Variants in CYB561A3 observed in about 807,000 individuals in gnomAD.
The protein encoded by CYB561A3 is cytochrome b561 family member A3.
Under a neutral mutation model 25.3 loss-of-function variants are expected in CYB561A3, and 16 were observed. The ratio of observed to expected loss-of-function variants is 0.63; its 90% CI spans 0.43 to 0.96. The LOEUF is 0.96. Among genes scored for constraint, CYB561A3 ranks in the 40% least tolerant of loss-of-function variants. The pLI is 0.00. For synonymous variants in CYB561A3, 131 were observed against 129.9 expected (o/e 1.01, Z -0.06); for missense variants, 219 against 307.5 (o/e 0.71, Z 2.15).
At chr11:61,354,036 C>T (rs780272641) in intron 3 of CYB561A3, 44 bp from the exon 4 acceptor site, 3 of 1,603,758 alleles carry the variant, frequency 1.9e-6, no homozygotes, top group Non-Finnish European at 2.6e-6. Context: ...TCCCCTCGAG[C>T]TCACCCAGAC....
chr11:61,353,929 T>C lies in CYB561A3; in HGVS notation c.248A>G (p.His83Arg). ...GAAGGCCATCAGGTGCAGCGCTGCA[T>C]GGAGGAGTTTCCAGGGCAGTTTGGG... ...VGPKLPWKLL[H>R]AALHLMAFVL... is the part of the protein sequence containing the mutation. The change falls in exon 4 of 7, where the codon CAT (histidine) becomes CGT (arginine). Residue 83 changes from histidine (H) to arginine (R), a missense_variant. Transcript: ENST00000294072. 3.1e-6 allele frequency: 5 copies of C among 1,614,118 alleles called. No individual in the cohort carries two copies. Among genetic ancestry groups the C allele is most frequent in the Non-Finnish European group, 4.2e-6 (5 of 1,180,026 alleles).
rs202143954 is a variant in CYB561A3, at chr11:61,353,049, C to T, written c.484G>A (p.Ala162Thr). 46 of 1,613,904 alleles carry T rather than the reference C, an allele frequency of 2.9e-5. 1 individual carries two copies. The highest frequency in any genetic ancestry group is 4.0e-5 in the African/African-American group (3 of 74,866). The change falls in exon 5 of 7, where the codon GCC (alanine) becomes ACC (threonine). Residue 162 changes from alanine to threonine, a missense_variant. By Grantham distance (58) the Ala-to-Thr change is moderately conservative (BLOSUM62 0). Transcript: ENST00000294072. The stretch of plus-strand genomic sequence containing the variant: ...GATGCGATGGACAGAGAGAGGATGG[C>T]GGCTCCAAAAAAGACGTGGATAGGT... ...LKPIHVFFGA[A>T]ILSLSIASVI...
chr11:61,355,372 G>A (rs1309534455), intron 3 of CYB561A3, among the ~76,000 whole-genome samples: 1 of 152,058 alleles, frequency 6.6e-6, no homozygotes, highest in African/African-American at 2.4e-5. Flanking sequence ...GAAAGCATGG[G>A]ACAAAGATTA....
At position 61,356,791 on chromosome 11, in the gene CYB561A3, G is replaced by A. The variant is rs1857670376; in HGVS notation, c.-15-63C>T. On this transcript the variant is annotated intron_variant, in intron 2 of 6. Coordinates refer to ENST00000294072, the MANE Select transcript of CYB561A3 (RefSeq NM_153611.6). Reference sequence around the variant, plus strand: ...GATGCACCCAGTTCTCTGGCTAAAGGAGGTAACACTGATTTAGCTCTTGGC... The same window carrying A: ...GATGCACCCAGTTCTCTGGCTAAAGAAGGTAACACTGATTTAGCTCTTGGC... The A allele has an allele frequency of 3.8e-6, 6 of 1,571,908 alleles. No homozygotes were observed. The African/African-American group carries it at 8.1e-5, about 21-fold the overall frequency.
At position 61,349,693 on chromosome 11, in the gene CYB561A3, CA is replaced by C. The variant is rs994455889; in HGVS notation, c.*705del. On this transcript the variant is annotated 3_prime_UTR_variant, in exon 7 of 7. Transcript: ENST00000294072. Reference sequence around the variant, plus strand: ...CACAATACATGCAGACACAGAGCAGCAATACGAAACAGAACAGCTCAGAGCG... The same window carrying C: ...CACAATACATGCAGACACAGAGCAGCATACGAAACAGAACAGCTCAGAGCG... 2.6e-5 allele frequency: 18 copies of C among 701,462 alleles called. No homozygotes were observed. The highest frequency in any genetic ancestry group is 5.2e-5 in the African/African-American group (3 of 57,230). 43.5% of individuals were successfully genotyped at this position (701,462 alleles called of 1,614,324 possible).
rs1379782654 is a variant in CYB561A3, at chr11:61,350,021, C to T, written c.*378G>A. The T allele has an allele frequency of 1.9e-5, 9 of 478,698 alleles. No homozygotes were observed. Among genetic ancestry groups the T allele is most frequent in the Non-Finnish European group, 3.1e-5 (8 of 261,910 alleles). The allele number at this position is 478,698 out of a possible 1,614,324, so 29.7% of individuals were successfully genotyped here. A position where few individuals can be genotyped will look rare whatever the true frequency, so the allele number is the denominator to read the frequency against. On this transcript the variant is annotated 3_prime_UTR_variant, in exon 7 of 7. Transcript: ENST00000294072. ...ACAGGAGCAGCAAGAGCGGCCAGAG[C>T]GAGGAGGACCTCGTGTGAATGGAGG...
At chr11:61,358,681 A>G (rs1373695077) in intron 1 of CYB561A3, 1 of 152,346 alleles carries the variant, frequency 6.6e-6, no homozygotes, top group East Asian at 1.9e-4. Context: ...GTGAGCTGCG[A>G]TCACGCCACT....
At chr11:61,350,576 C>T in intron 6 of CYB561A3, 154 bp from the exon 7 acceptor site, 1 of 886,636 alleles carries the variant, frequency 1.1e-6, no homozygotes, top group Non-Finnish European at 1.8e-6. Flanking sequence ...GCCTGGTACA[C>T]ACCCCGTCTC....
chr11:61,361,340 T>C (rs892558281), intron 1 of CYB561A3: 16 of 152,208 alleles, frequency 1.1e-4, no homozygotes, highest in African/African-American at 3.6e-4. Flanking sequence ...GGGCTCAATA[T>C]TCCTGCCAAG....
Position 61,350,266 on chromosome 11 carries a change from G to A in CYB561A3, c.*133C>T. The A allele has an allele frequency of 8.1e-7, 1 of 1,232,292 alleles. No homozygotes were observed. The highest frequency in any genetic ancestry group is 1.4e-5 in the South Asian group (1 of 70,452). 76.3% of individuals were successfully genotyped at this position (1,232,292 alleles called of 1,614,324 possible). On this transcript the variant is annotated 3_prime_UTR_variant, in exon 7 of 7. Transcript: ENST00000294072. ...GCCGGAGAGGGCAGGCCAGCACCCA[G>A]GCAAGAAGTCTGGGCCCAGCATTGG...
chr11:61,356,408 C>T lies in CYB561A3; in HGVS notation c.184+122G>A. 4.7e-6 allele frequency: 3 copies of T among 642,526 alleles called. 1 individual carries two copies. The highest frequency in any genetic ancestry group is 2.8e-5 in the Admixed American group (1 of 35,626). 39.8% of individuals were successfully genotyped at this position (642,526 alleles called of 1,614,324 possible). On this transcript the variant is annotated intron_variant, in intron 3 of 6. Transcript: ENST00000294072. Reference sequence around the variant, plus strand: ...AATGACAGCTAGGCCCAGAGACAGCCCAACCCACCCTACCCCCATAGCCCC... The same window carrying T: ...AATGACAGCTAGGCCCAGAGACAGCTCAACCCACCCTACCCCCATAGCCCC...
chr11:61,350,610 C>G, intron 6 of CYB561A3, 188 bp from the exon 7 acceptor site: 1 of 689,874 alleles, frequency 1.4e-6, no homozygotes, highest in Non-Finnish European at 2.4e-6. Context: ...AAGACCTGCT[C>G]TGAGCACTCA....
chr11:61,349,145 A>G lies in CYB561A3; in HGVS notation c.*1254T>C, dbSNP rs79346879. The G allele has an allele frequency of 6.6e-3, 1,243 of 188,870 alleles. 16 individuals are homozygous for G. Among genetic ancestry groups the G allele is most frequent in the African/African-American group, 0.027 (1,180 of 43,770 alleles). The allele number at this position is 188,870 out of a possible 1,614,324, so 11.7% of individuals were successfully genotyped here. ...TCTTTGGAGAAGGCAAAAAAGCCACAGCAGCAACACTTAGGAGCAAGACCC... is the reference window on the plus strand; with the variant it reads ...TCTTTGGAGAAGGCAAAAAAGCCACGGCAGCAACACTTAGGAGCAAGACCC... On this transcript the variant is annotated 3_prime_UTR_variant, in exon 7 of 7. Coordinates refer to ENST00000294072, the MANE Select transcript of CYB561A3 (RefSeq NM_153611.6).
rs1008076337 is a variant in CYB561A3, at chr11:61,349,664, C to T, written c.*735G>A. ...AGCAGCTGGAAGAGGTGGAGCCGCACGGTCACAATACATGCAGACACAGAG... is the reference window on the plus strand; with the variant it reads ...AGCAGCTGGAAGAGGTGGAGCCGCATGGTCACAATACATGCAGACACAGAG... On this transcript the variant is annotated 3_prime_UTR_variant, in exon 7 of 7. Coordinates refer to ENST00000294072, the MANE Select transcript of CYB561A3 (RefSeq NM_153611.6). 4 of 702,546 alleles carry T rather than the reference C, an allele frequency of 5.7e-6. No individual in the cohort carries two copies. The highest frequency in any genetic ancestry group is 5.4e-5 in the East Asian group (2 of 37,298). 43.5% of individuals were successfully genotyped at this position (702,546 alleles called of 1,614,324 possible).
At chr11:61,355,552 G>T (rs542307449) in intron 3 of CYB561A3, among the ~76,000 whole-genome samples, 1 of 151,882 alleles carries the variant, frequency 6.6e-6, no homozygotes, top group African/African-American at 2.4e-5. Context: ...ATGATGGCGG[G>T]CACCTATAAT....
At chr11:61,352,267 T>C (rs1467612161) in intron 5 of CYB561A3, 1 of 152,150 alleles carries the variant, frequency 6.6e-6, no homozygotes, top group African/African-American at 2.4e-5. Flanking sequence ...TTACTGGCTG[T>C]GTGCCCTCGG....
intron 1 of CYB561A3, 103 bp downstream of exon 1, chr11:61,361,630 A>G (rs1050092301): frequency 1.3e-5 from 2 of 151,928 alleles, no homozygotes; most frequent in African/African-American, 4.8e-5. Context: ...AAAAGAGAAA[A>G]TTGAGGCCGA....
Position 61,354,175 on chromosome 11 carries a change from G to T in CYB561A3, c.185-183C>A, listed in dbSNP as rs572177763. ...ATTTGTGGGATAACAGCCATGAAGG[G>T]AGGAGAGAAGGGCCAGTTAAAAAGG... is the stretch of plus-strand genomic sequence containing the variant. On this transcript the variant is annotated intron_variant, in intron 3 of 6. Transcript: ENST00000294072. 314 of 654,064 alleles carry T rather than the reference G, an allele frequency of 4.8e-4. 2 individuals carry two copies. The South Asian group carries it at 5.9e-3, about 12-fold the overall frequency. 40.5% of individuals were successfully genotyped at this position (654,064 alleles called of 1,614,324 possible). A position where few individuals can be genotyped will look rare whatever the true frequency, so the allele number is the denominator to read the frequency against.
chr11:61,349,684 A>T lies in CYB561A3; in HGVS notation c.*715T>A, dbSNP rs1263541367. On this transcript the variant is annotated 3_prime_UTR_variant, in exon 7 of 7. Coordinates refer to ENST00000294072, the MANE Select transcript of CYB561A3 (RefSeq NM_153611.6). Reference sequence around the variant, plus strand: ...CCGCACGGTCACAATACATGCAGACACAGAGCAGCAATACGAAACAGAACA... The same window carrying T: ...CCGCACGGTCACAATACATGCAGACTCAGAGCAGCAATACGAAACAGAACA... 2 of 702,256 alleles carry T rather than the reference A, an allele frequency of 2.8e-6. No homozygotes were observed. Among genetic ancestry groups the T allele is most frequent in the Non-Finnish European group, 5.2e-6 (2 of 384,724 alleles). The allele number at this position is 702,256 out of a possible 1,614,324, so 43.5% of individuals were successfully genotyped here. A position where few individuals can be genotyped will look rare whatever the true frequency, so the allele number is the denominator to read the frequency against.
Sources: gnomAD v4.1 joint callset for allele counts (sites outside exome capture counted in the v4.1 genomes callset) on GRCh38, gnomAD v4.1.1 for gene constraint, MANE v1.5 for transcripts, NCBI Gene and HGNC (gene_info 2026-07-23, HGNC 2026-07-21) for gene names.